MICU1: variants seen among roughly 807,000 people sequenced by gnomAD.
MICU1 encodes calcium uptake protein 1, mitochondrial.
MICU1 carries 45 observed loss-of-function variants against 56.8 expected under a neutral mutation model. That is an observed-to-expected ratio of 0.79 (90% CI 0.62 to 1.02). MICU1 has a LOEUF of 1.02. Among genes scored for constraint, MICU1 ranks in the 50% least tolerant of loss-of-function variants. The pLI, the probability that MICU1 is intolerant of heterozygous loss-of-function variation, is 0.00. For missense variants in MICU1, 504 were observed against 587.1 expected (o/e 0.86, Z 1.46); for synonymous variants, 186 against 195.1 (o/e 0.95, Z 0.39).
intron 8 of MICU1, among the ~76,000 whole-genome samples, chr10:72,465,314 T>G (rs796802824): frequency 4.7e-5 from 7 of 149,564 alleles, no homozygotes; most frequent in Admixed American, 1.3e-4. Context: ...TTTTTGTTTT[T>G]TTTTTTTTTT....
At chr10:72,373,121 T>C (rs996159358) in intron 11 of MICU1, among the ~76,000 whole-genome samples, 3 of 151,980 alleles carry the variant, frequency 2.0e-5, no homozygotes, top group South Asian at 2.1e-4. Flanking sequence ...AAATCTGTGA[T>C]GAAGAAGTCT....
chr10:72,508,882 C>G (rs1343660511), intron 5 of MICU1, among the ~76,000 whole-genome samples: 1 of 152,154 alleles, frequency 6.6e-6, no homozygotes, highest in Non-Finnish European at 1.5e-5. Context: ...TTAATCATAT[C>G]TACTGTTACT....
At chr10:72,431,094 G>GTCTGTCTATCTATCTATCTATCTA (rs1554867912) in intron 8 of MICU1, among the ~76,000 whole-genome samples, 11 of 141,430 alleles carry the variant, frequency 7.8e-5, no homozygotes, top group African/African-American at 2.4e-4. Context: ...TTATCTGTCT[G>GTCTGTCTATCTATCTATCTATCTA]TCTATCTATC....
intron 5 of MICU1, among the ~76,000 whole-genome samples, chr10:72,511,332 T>C (rs1867442086): frequency 6.6e-6 from 1 of 152,188 alleles, no homozygotes; most frequent in African/African-American, 2.4e-5. Context: ...ATCCCGAATG[T>C]TGAAATCCCC....
At chr10:72,406,075 T>G (rs998573120) in intron 10 of MICU1, among the ~76,000 whole-genome samples, 3 of 151,948 alleles carry the variant, frequency 2.0e-5, no homozygotes, top group African/African-American at 7.2e-5. Flanking sequence ...GATAGGATTA[T>G]TTACATAGAA....
intron 6 of MICU1, among the ~76,000 whole-genome samples, chr10:72,492,162 A>T (rs1866678259): frequency 6.6e-6 from 1 of 152,170 alleles, no homozygotes; most frequent in South Asian, 2.1e-4. Context: ...GGCCACTGTA[A>T]ATAAAGACTT....
rs529064288 is a variant in MICU1 at position 72,524,751 on chromosome 10, T to C, written c.537+8995A>G. On this transcript the variant is annotated intron_variant, in intron 5 of 11. Coordinates refer to ENST00000361114, the MANE Select transcript of MICU1 (RefSeq NM_001195518.2). ...AGTCAGTACCTGCCAGAAATCCTAA[T>C]CAGAAGATGAGAAAAAGAAAAAACA... 3 of 1,231,462 alleles carry C rather than the reference T, an allele frequency of 2.4e-6. No individual in the cohort carries two copies. The African/African-American group carries it at 4.7e-5, about 19-fold the overall frequency. 76.3% of individuals were successfully genotyped at this position (1,231,462 alleles called of 1,614,324 possible). A position where few individuals can be genotyped will look rare whatever the true frequency, so the allele number is the denominator to read the frequency against.
At chr10:72,609,777 T>C (rs1158360370) in intron 1 of MICU1, among the ~76,000 whole-genome samples, 1 of 148,632 alleles carries the variant, frequency 6.7e-6, no homozygotes, top group Non-Finnish European at 1.5e-5. Flanking sequence ...GGCTCACGTC[T>C]GTAATTCCAG....
At chr10:72,417,499 A>T (rs7922485) in intron 9 of MICU1, among the ~76,000 whole-genome samples, 78,952 of 151,512 alleles carry the variant, frequency 0.52, 22,101 homozygotes, top group Non-Finnish European at 0.65. Flanking sequence ...GGATAAGGGA[A>T]GGTCTTTTTC....
rs1423073156 is a variant in MICU1 at position 72,569,222 on chromosome 10, TATA to T, written c.-1-2431_-1-2429del. Among the ~76,000 whole-genome samples, 61 of 43,364 alleles carry T rather than the reference TATA, an allele frequency of 1.4e-3. 1 individual carries two copies. Among genetic ancestry groups the T allele is most frequent in the African/African-American group, 5.6e-3 (55 of 9,902 alleles). The allele number at this position is 43,364 out of a possible 152,430, so 28.4% of individuals were successfully genotyped here. A position where few individuals can be genotyped will look rare whatever the true frequency, so the allele number is the denominator to read the frequency against. ...ATATATATGCATATATATATATATA[TATA>T]TATATATATATATTTTTTTTTTTTT... On this transcript the variant is annotated intron_variant, in intron 1 of 11. Transcript: ENST00000361114.
chr10:72,566,809 T>G lies in MICU1; in HGVS notation c.-1-15A>C. The G allele has an allele frequency of 6.3e-7, 1 of 1,598,060 alleles. No homozygotes were observed. Among genetic ancestry groups the G allele is most frequent in the South Asian group, 1.1e-5 (1 of 88,694 alleles). ...GACGAAACATCCTGTGGACAATAAG[T>G]AGAAATGTCACTCTTAGCTAGTGGT... On this transcript the variant is annotated splice_polypyrimidine_tract_variant and intron_variant, in intron 1 of 11. Transcript: ENST00000361114.
intron 8 of MICU1, among the ~76,000 whole-genome samples, chr10:72,456,015 T>C (rs1865447353): frequency 6.6e-6 from 1 of 152,172 alleles, no homozygotes; most frequent in Non-Finnish European, 1.5e-5. Context: ...GAAGCAACTG[T>C]CTTCTGGGAA....
At chr10:72,471,607 G>A (rs772795123) in intron 8 of MICU1, among the ~76,000 whole-genome samples, 1 of 151,670 alleles carries the variant, frequency 6.6e-6, no homozygotes, top group Non-Finnish European at 1.5e-5. Flanking sequence ...TTCTTTGTTT[G>A]TTTTTGTTTT....
At chr10:72,474,302 G>C (rs1285937728) in intron 8 of MICU1, among the ~76,000 whole-genome samples, 1 of 131,860 alleles carries the variant, frequency 7.6e-6, no homozygotes, top group Admixed American at 7.8e-5. Flanking sequence ...AAAAAGAAAA[G>C]AGGTTGGGAA....
chr10:72,376,633 C>A (rs554394312), intron 10 of MICU1, among the ~76,000 whole-genome samples: 1 of 152,160 alleles, frequency 6.6e-6, no homozygotes, highest in South Asian at 2.1e-4. Context: ...CAGAGTGAGA[C>A]ACTGTCTCAA....
At chr10:72,594,234 A>C (rs745971165) in intron 1 of MICU1, among the ~76,000 whole-genome samples, 3 of 152,232 alleles carry the variant, frequency 2.0e-5, no homozygotes, top group Non-Finnish European at 2.9e-5. Context: ...TTCTGACAAG[A>C]GTGTCAAGAT....
At chr10:72,488,193 C>CAA (rs1263516914) in intron 6 of MICU1, among the ~76,000 whole-genome samples, 1 of 60,432 alleles carries the variant, frequency 1.7e-5, no homozygotes, top group Non-Finnish European at 3.4e-5. Context: ...AACTCCATCT[C>CAA]AAAAAAAAAA....
intron 10 of MICU1, among the ~76,000 whole-genome samples, chr10:72,404,486 G>C (rs1564848549): frequency 6.6e-6 from 1 of 152,106 alleles, no homozygotes; most frequent in Non-Finnish European, 1.5e-5. Context: ...GTCAAAAATT[G>C]GTTCTTTGAA....
At chr10:72,500,628 G>T (rs923857587) in intron 6 of MICU1, among the ~76,000 whole-genome samples, 1 of 151,812 alleles carries the variant, frequency 6.6e-6, no homozygotes. Context: ...AATTATAAAT[G>T]TTTTATTATT....
Sources: allele counts gnomAD v4.1 joint callset (sites outside exome capture counted in the v4.1 genomes callset), GRCh38; gene constraint gnomAD v4.1.1; transcripts MANE v1.5; gene names NCBI Gene and HGNC (gene_info 2026-07-23, HGNC 2026-07-21).